PRR16: variants seen among roughly 807,000 people sequenced by gnomAD.
The protein encoded by PRR16 is protein Largen.
Under a neutral mutation model 18.2 loss-of-function variants are expected in PRR16, and 6 were observed. That is an observed-to-expected ratio of 0.33 (90% confidence interval 0.18 to 0.65). The LOEUF (loss-of-function observed/expected upper bound fraction) is 0.65, where lower values mean the gene tolerates loss of function less well. PRR16 is among the 30% of genes least tolerant of loss of function. The pLI, the probability that PRR16 is intolerant of heterozygous loss-of-function variation, is 0.74. For missense variants in PRR16, 412 were observed against 376.6 expected (o/e 1.09, Z -0.78); for synonymous variants, 151 against 147.8 (o/e 1.02, Z -0.16).
intron 1 of PRR16, among the ~76,000 whole-genome samples, chr5:120,499,531 C>A (rs1225830628): frequency 6.6e-6 from 1 of 152,000 alleles, no homozygotes; most frequent in Non-Finnish European, 1.5e-5. Flanking sequence ...TTCTTCTGTT[C>A]TGCTATTGAT....
chr5:120,491,278 G>T (rs141171432), intron 1 of PRR16, among the ~76,000 whole-genome samples: 1 of 151,984 alleles, frequency 6.6e-6, no homozygotes, highest in African/African-American at 2.4e-5. Flanking sequence ...AAAATAACTC[G>T]GCCTTGAGAT....
At chr5:120,732,455 C>T in the PRR16 span, among the ~76,000 whole-genome samples, 3 of 152,222 alleles carry the variant, frequency 2.0e-5, no homozygotes, top group South Asian at 6.2e-4. Context: ...TCTTTCTTCC[C>T]ACTATCACTT....
At chr5:120,587,800 A>G (rs932534339) in intron 1 of PRR16, among the ~76,000 whole-genome samples, 3 of 152,220 alleles carry the variant, frequency 2.0e-5, no homozygotes, top group South Asian at 2.1e-4. Flanking sequence ...AGTAATTTTG[A>G]CTTTAAAGTC....
the PRR16 span, among the ~76,000 whole-genome samples, chr5:120,740,172 T>G: frequency 1.3e-5 from 2 of 152,192 alleles, no homozygotes; most frequent in African/African-American, 4.8e-5. Context: ...GTTGAGATGC[T>G]ATTTGCACAT....
the PRR16 span, among the ~76,000 whole-genome samples, chr5:120,755,551 A>G: frequency 6.6e-6 from 1 of 152,080 alleles, no homozygotes; most frequent in Non-Finnish European, 1.5e-5. Flanking sequence ...GTTACTGCAA[A>G]TAATATGATT....
intron 1 of PRR16, among the ~76,000 whole-genome samples, chr5:120,564,296 T>C (rs1286525707): frequency 6.6e-6 from 1 of 152,096 alleles, no homozygotes; most frequent in African/African-American, 2.4e-5. Context: ...GTCCCCTGCC[T>C]CTGAGCCCAG....
chr5:120,469,154 C>T (rs908967634), intron 1 of PRR16, among the ~76,000 whole-genome samples: 1 of 152,174 alleles, frequency 6.6e-6, no homozygotes, highest in African/African-American at 2.4e-5. Context: ...ACAGAATTAA[C>T]AATTATCTGA....
chr5:120,666,025 T>C (rs1320413394), intron 1 of PRR16, among the ~76,000 whole-genome samples: 18 of 150,526 alleles, frequency 1.2e-4, no homozygotes, highest in South Asian at 6.3e-4. Flanking sequence ...GGGGATGGCA[T>C]TGAATCTATA....
intron 1 of PRR16, among the ~76,000 whole-genome samples, chr5:120,569,356 G>A (rs1395471666): frequency 3.3e-5 from 5 of 152,132 alleles, no homozygotes; most frequent in Admixed American, 6.5e-5. Context: ...AAAGGTTAAG[G>A]CATGTGCATT....
At chr5:120,761,167 G>A in the PRR16 span, among the ~76,000 whole-genome samples, 3 of 151,822 alleles carry the variant, frequency 2.0e-5, no homozygotes, top group East Asian at 1.9e-4. Context: ...TGCTTCATAT[G>A]TATTTTAAGC....
At chr5:120,618,434 T>G in intron 1 of PRR16, 1 of 955,754 alleles carries the variant, frequency 1.0e-6, no homozygotes, top group Non-Finnish European at 1.2e-6. Context: ...TATACTGTTT[T>G]TTAACAGTTT....
intron 1 of PRR16, among the ~76,000 whole-genome samples, chr5:120,670,565 G>A (rs553881878): frequency 7.9e-5 from 12 of 152,168 alleles, no homozygotes; most frequent in Non-Finnish European, 1.2e-4. Context: ...TTCATGTCAC[G>A]TATTCTGGAT....
the PRR16 span, among the ~76,000 whole-genome samples, chr5:120,768,245 A>G: frequency 2.0e-5 from 3 of 151,852 alleles, no homozygotes; most frequent in Non-Finnish European, 4.4e-5. Context: ...GTGATTGTAG[A>G]TAGGTCTTTA....
chr5:120,755,830 C>CA, the PRR16 span, among the ~76,000 whole-genome samples: 3 of 151,820 alleles, frequency 2.0e-5, no homozygotes, highest in East Asian at 1.9e-4. Context: ...AGAAAATGCA[C>CA]AAAAAAGCAA....
At chr5:120,781,283 C>T in the PRR16 span, 24 of 151,802 alleles carry the variant, frequency 1.6e-4, no homozygotes, top group Admixed American at 1.3e-4. Flanking sequence ...GAAAAACATA[C>T]AAATTTTTAA....
intron 1 of PRR16, among the ~76,000 whole-genome samples, chr5:120,581,503 C>T (rs973781756): frequency 4.6e-5 from 7 of 151,518 alleles, no homozygotes; most frequent in South Asian, 2.1e-4. Context: ...GAGGTTTTTC[C>T]GTGAATCTAT....
chr5:120,507,939 A>G (rs770969723), intron 1 of PRR16, among the ~76,000 whole-genome samples: 9 of 152,102 alleles, frequency 5.9e-5, no homozygotes, highest in Admixed American at 2.0e-4. Flanking sequence ...CTACTTGCCT[A>G]CCCACTATTT....
intron 1 of PRR16, among the ~76,000 whole-genome samples, chr5:120,501,385 A>T (rs1360733427): frequency 6.6e-6 from 1 of 151,480 alleles, no homozygotes. Flanking sequence ...TCTAGAAAGA[A>T]ACAAAATGTG....
chr5:120,695,186 CT>C, the PRR16 span, among the ~76,000 whole-genome samples: 1 of 151,978 alleles, frequency 6.6e-6, no homozygotes, highest in East Asian at 1.9e-4. Flanking sequence ...TTTATTTTAT[CT>C]TTTTTTAAAA....
Sources: gnomAD v4.1 joint callset for allele counts (sites outside exome capture counted in the v4.1 genomes callset) on GRCh38, gnomAD v4.1.1 for gene constraint, MANE v1.5 for transcripts, NCBI Gene and HGNC (gene_info 2026-07-23, HGNC 2026-07-21) for gene names.